Variants in CAMK2D observed in about 807,000 individuals in gnomAD.
The protein encoded by CAMK2D is calcium/calmodulin dependent protein kinase II delta.
In CAMK2D, 37 loss-of-function variants were observed where a neutral mutation model predicts 84.0. The ratio of observed to expected loss-of-function variants is 0.44; its 90% CI spans 0.34 to 0.58. CAMK2D has a LOEUF of 0.58. Ranked by LOEUF, CAMK2D falls within the 20% of genes least tolerant of loss-of-function variation. The pLI, the probability that CAMK2D is intolerant of heterozygous loss-of-function variation, is 0.02. For missense variants in CAMK2D, 448 were observed against 652.5 expected (o/e 0.69, Z 3.41); for synonymous variants, 202 against 212.5 (o/e 0.95, Z 0.43).
At chr4:113,560,555 A>G (rs950779704) in intron 4 of CAMK2D, among the ~76,000 whole-genome samples, 1 of 152,194 alleles carries the variant, frequency 6.6e-6, no homozygotes, top group Admixed American at 6.5e-5. Flanking sequence ...TACAGAGGAA[A>G]TATGTATACT....
In CAMK2D at chr4:113,761,540, G is replaced by A. The variant is rs796807091; in HGVS notation, c.-472C>T. ...AGTGCAGCGGGGCCGAGGCCGCGGAGCCCAGAGCGGACAGCCTGAGCCCAG... is the reference window on the plus strand; with the variant it reads ...AGTGCAGCGGGGCCGAGGCCGCGGAACCCAGAGCGGACAGCCTGAGCCCAG... On this transcript the variant is annotated 5_prime_UTR_variant, in exon 1 of 21. Coordinates refer to ENST00000511664, the MANE Select transcript of CAMK2D (RefSeq NM_001321571.2). 27 of 998,932 alleles carry A rather than the reference G, an allele frequency of 2.7e-5. No homozygotes were observed. The highest frequency in any genetic ancestry group is 3.2e-5 in the Non-Finnish European group (27 of 838,290). 61.9% of individuals were successfully genotyped at this position (998,932 alleles called of 1,614,324 possible).
chr4:113,580,670 C>T (rs2098803852), intron 4 of CAMK2D, among the ~76,000 whole-genome samples: 1 of 152,164 alleles, frequency 6.6e-6, no homozygotes, highest in East Asian at 1.9e-4. Flanking sequence ...CATAGAGCTA[C>T]AGGTATCTAT....
At chr4:113,603,740 T>TTA (rs994798629) in intron 4 of CAMK2D, among the ~76,000 whole-genome samples, 7 of 144,504 alleles carry the variant, frequency 4.8e-5, no homozygotes, top group African/African-American at 1.8e-4. Flanking sequence ...TTATATTTCT[T>TTA]TATATATATC....
intron 2 of CAMK2D, among the ~76,000 whole-genome samples, chr4:113,674,051 A>G (rs2099307245): frequency 6.6e-6 from 1 of 152,172 alleles, no homozygotes; most frequent in African/African-American, 2.4e-5. Flanking sequence ...TTTACTGAAT[A>G]TCATTGCCTT....
intron 16 of CAMK2D, among the ~76,000 whole-genome samples, chr4:113,468,753 C>T (rs1050483290): frequency 6.6e-6 from 1 of 152,108 alleles, no homozygotes; most frequent in Non-Finnish European, 1.5e-5. Flanking sequence ...AATAACCACT[C>T]CAAAAGTCAA....
chr4:113,558,328 T>G (rs1455345224), intron 4 of CAMK2D, among the ~76,000 whole-genome samples: 1 of 152,232 alleles, frequency 6.6e-6, no homozygotes, highest in Admixed American at 6.5e-5. Flanking sequence ...AGTCATTAAT[T>G]TTTATTGGCC....
At chr4:113,517,733 A>C (rs1049043354) in intron 8 of CAMK2D, 76 bp from the exon 9 acceptor site, 2 of 720,074 alleles carry the variant, frequency 2.8e-6, no homozygotes, top group Non-Finnish European at 5.0e-6. Flanking sequence ...ATCCACAATG[A>C]TATTAAGCCG....
At chr4:113,759,244 T>C in intron 2 of CAMK2D, 76 bp downstream of exon 2, 1 of 833,424 alleles carries the variant, frequency 1.2e-6, no homozygotes, top group Non-Finnish European at 2.0e-6. Flanking sequence ...CTACATGATA[T>C]ATTTACATAC....
At position 113,579,741 on chromosome 4, in the gene CAMK2D, C is replaced by T. The variant is rs187443299; in HGVS notation, c.276-27645G>A. Among the ~76,000 whole-genome samples the T allele has an allele frequency of 4.5e-4, 69 of 152,276 alleles. No homozygotes were observed. In the Middle Eastern group the frequency reaches 0.01, roughly 23 times the overall value. On this transcript the variant is annotated intron_variant, in intron 4 of 20. Coordinates refer to ENST00000511664, the MANE Select transcript of CAMK2D (RefSeq NM_001321571.2). ...AAACCTTTTTTCTTTATAAATTATC[C>T]GGCCTCAGATATTCCTTTACAGCAA... is the stretch of plus-strand genomic sequence containing the variant.
intron 16 of CAMK2D, among the ~76,000 whole-genome samples, chr4:113,478,577 T>TA (rs1292803674): frequency 6.6e-6 from 1 of 152,178 alleles, no homozygotes; most frequent in Non-Finnish European, 1.5e-5. Context: ...AAATACCACT[T>TA]AAAAAATCAC....
intron 2 of CAMK2D, among the ~76,000 whole-genome samples, chr4:113,707,566 A>G (rs1284873666): frequency 1.3e-5 from 2 of 152,212 alleles, no homozygotes; most frequent in African/African-American, 4.8e-5. Flanking sequence ...TAATGTACCT[A>G]GGCTGGCTCA....
chr4:113,575,482 C>T (rs1054201534), intron 4 of CAMK2D, among the ~76,000 whole-genome samples: 1 of 152,108 alleles, frequency 6.6e-6, no homozygotes. Flanking sequence ...TTCTTAAAGA[C>T]CCCGGATCAT....
At chr4:113,722,557 C>T (rs556957580) in intron 2 of CAMK2D, among the ~76,000 whole-genome samples, 2 of 152,166 alleles carry the variant, frequency 1.3e-5, no homozygotes, top group Non-Finnish European at 2.9e-5. Context: ...TTCTTAATAC[C>T]GAACCCTAGA....
chr4:113,655,133 A>C (rs968082053), intron 3 of CAMK2D, among the ~76,000 whole-genome samples: 1 of 152,092 alleles, frequency 6.6e-6, no homozygotes, highest in African/African-American at 2.4e-5. Flanking sequence ...GAAATAAAAA[A>C]GGCAAATATT....
At chr4:113,567,545 T>C (rs889707650) in intron 4 of CAMK2D, among the ~76,000 whole-genome samples, 1 of 152,222 alleles carries the variant, frequency 6.6e-6, no homozygotes, top group Non-Finnish European at 1.5e-5. Flanking sequence ...AAATTTTACA[T>C]TTCTAAGCTT....
chr4:113,671,343 A>C (rs2099282434), intron 2 of CAMK2D, among the ~76,000 whole-genome samples: 1 of 152,166 alleles, frequency 6.6e-6, no homozygotes, highest in African/African-American at 2.4e-5. Context: ...TCTGTGACTG[A>C]GTTCTCCTGA....
At chr4:113,576,176 C>T (rs1464228472) in intron 4 of CAMK2D, among the ~76,000 whole-genome samples, 1 of 152,042 alleles carries the variant, frequency 6.6e-6, no homozygotes, top group Admixed American at 6.6e-5. Context: ...GATGGGACTA[C>T]AGAAATGAGC....
At chr4:113,630,744 G>A (rs1381325047) in intron 3 of CAMK2D, among the ~76,000 whole-genome samples, 1 of 152,152 alleles carries the variant, frequency 6.6e-6, no homozygotes, top group Non-Finnish European at 1.5e-5. Flanking sequence ...TCTGCCTTCT[G>A]ACACTGATGA....
At chr4:113,615,515 C>A (rs2099017518) in intron 3 of CAMK2D, among the ~76,000 whole-genome samples, 1 of 151,974 alleles carries the variant, frequency 6.6e-6, no homozygotes, top group Non-Finnish European at 1.5e-5. Context: ...CAAAATCAAA[C>A]TAACACTTCT....
Sources: gnomAD v4.1 joint callset for allele counts (sites outside exome capture counted in the v4.1 genomes callset) on GRCh38, gnomAD v4.1.1 for gene constraint, MANE v1.5 for transcripts, NCBI Gene and HGNC (gene_info 2026-07-23, HGNC 2026-07-21) for gene names.